The following GCNT1 variants were observed in gnomAD, a reference collection of about 807,000 sequenced individuals.
GCNT1 encodes the protein beta-1,3-galactosyl-O-glycosyl-glycoprotein beta-1,6-N-acetylglucosaminyltransferase.
A neutral mutation model predicts 26.2 loss-of-function variants in GCNT1; 16 were observed. The observed-to-expected ratio is 0.61, with a 90% CI of 0.41 to 0.93. GCNT1 has a LOEUF of 0.93. Ranked by LOEUF, GCNT1 falls within the 40% of genes least tolerant of loss-of-function variation. The pLI, the probability that GCNT1 is intolerant of heterozygous loss-of-function variation, is 0.00. For synonymous variants in GCNT1, 183 were observed against 190.8 expected (o/e 0.96, Z 0.34); for missense variants, 477 against 526.7 (o/e 0.91, Z 0.92).
At chr9:76,415,978 A>C (rs1823129013), upstream of GCNT1, among the ~76,000 whole-genome samples, 1 of 152,140 alleles carries the variant, frequency 6.6e-6, no homozygotes, top group Non-Finnish European at 1.5e-5. Flanking sequence ...GGAGGCAGGG[A>C]AATACTGAAT....
intron 1 of GCNT1, among the ~76,000 whole-genome samples, chr9:76,432,817 G>C (rs1564222101): frequency 6.6e-6 from 1 of 152,188 alleles, no homozygotes; most frequent in African/African-American, 2.4e-5. Flanking sequence ...CTTTCTATTT[G>C]TCATGCTTTC....
chr9:76,452,867 C>T (rs944183358), intron 1 of GCNT1, among the ~76,000 whole-genome samples: 7 of 152,108 alleles, frequency 4.6e-5, no homozygotes, highest in African/African-American at 1.7e-4. Context: ...CCAGCTGTAC[C>T]CTACTTAATC....
upstream of GCNT1, among the ~76,000 whole-genome samples, chr9:76,439,900 G>A (rs62564440): frequency 6.6e-6 from 1 of 152,060 alleles, no homozygotes; most frequent in African/African-American, 2.4e-5. Flanking sequence ...AGGAGATCGA[G>A]ACCATCCTGG....
At chr9:76,412,707 T>C in the GCNT1 span, among the ~76,000 whole-genome samples, 8 of 152,328 alleles carry the variant, frequency 5.3e-5, no homozygotes, top group African/African-American at 1.9e-4. Context: ...TCTGGTTCTC[T>C]ACTTCATCCC....
the GCNT1 span, among the ~76,000 whole-genome samples, chr9:76,413,302 G>A: frequency 6.6e-6 from 1 of 152,168 alleles, no homozygotes; most frequent in South Asian, 2.1e-4. Context: ...TTTCCTGTGA[G>A]TGGGACACCT....
At chr9:76,450,865 A>T (rs1415124868) in intron 1 of GCNT1, among the ~76,000 whole-genome samples, 2 of 152,176 alleles carry the variant, frequency 1.3e-5, no homozygotes, top group Non-Finnish European at 2.9e-5. Context: ...TAACACTTTA[A>T]TGTATTAACT....
At position 76,449,915 on chromosome 9, in the gene GCNT1, C is replaced by G. The variant is rs191582600; in HGVS notation, c.-290+7600C>G. 2.1e-4 allele frequency among the ~76,000 whole-genome samples: 32 copies of G among 152,136 alleles called. No individual in the cohort carries two copies. In the East Asian group the frequency reaches 6.0e-3, roughly 28 times the overall value. On this transcript the variant is annotated intron_variant, in intron 1 of 2. Transcript: ENST00000442371. Reference sequence around the variant, plus strand: ...TCTCATGCCTCAGCCTCCCAAGTAGCTAGAATTACAGACGCCCAGCTAATT... The same window carrying G: ...TCTCATGCCTCAGCCTCCCAAGTAGGTAGAATTACAGACGCCCAGCTAATT...
intron 1 of GCNT1, among the ~76,000 whole-genome samples, chr9:76,445,560 G>A (rs1195619313): frequency 6.6e-6 from 1 of 151,354 alleles, no homozygotes; most frequent in Non-Finnish European, 1.5e-5. Context: ...GCTAATTTTT[G>A]TATTTCTTTT....
In GCNT1 at chr9:76,475,499, A is replaced by C. The variant is rs1247144152; in HGVS notation, c.-290+15322A>C. Among the ~76,000 whole-genome samples, 6 of 152,198 alleles carry C rather than the reference A, an allele frequency of 3.9e-5. No individual in the cohort carries two copies. The East Asian group carries it at 9.6e-4, about 24-fold the overall frequency. On this transcript the variant is annotated intron_variant, in intron 2 of 3. Transcript: ENST00000376730. Reference sequence around the variant, plus strand: ...GCCCTACATTTTTTGGGAGAAAGGAAGTGGATTTTGTAATATTTGGACATT... The same window carrying C: ...GCCCTACATTTTTTGGGAGAAAGGACGTGGATTTTGTAATATTTGGACATT...
the GCNT1 span, among the ~76,000 whole-genome samples, chr9:76,413,653 G>GTTTTTTTTTTTTTGTTTTTTTTTTTT: frequency 7.6e-5 from 9 of 118,664 alleles, no homozygotes; most frequent in Non-Finnish European, 1.1e-4. Context: ...GTTTTGTTTT[G>GTTTTTTTTTTTTTGTTTTTTTTTTTT]TTTTTTTTTT....
chr9:76,495,427 G>A (rs1194531875), intron 2 of GCNT1, among the ~76,000 whole-genome samples: 1 of 152,178 alleles, frequency 6.6e-6, no homozygotes, highest in Admixed American at 6.5e-5. Context: ...AAGATTTATT[G>A]TGAAGAGCAA....
chr9:76,404,505 A>G, the GCNT1 span, among the ~76,000 whole-genome samples: 38 of 152,324 alleles, frequency 2.5e-4, no homozygotes, highest in African/African-American at 8.2e-4. Flanking sequence ...TGAGAGGGGA[A>G]GCCCATTTCC....
At chr9:76,413,619 TA>T in the GCNT1 span, among the ~76,000 whole-genome samples, 1 of 151,766 alleles carries the variant, frequency 6.6e-6, no homozygotes, top group Non-Finnish European at 1.5e-5. Flanking sequence ...GCAGTTTGCA[TA>T]TGATATGCCT....
intron 1 of GCNT1, among the ~76,000 whole-genome samples, chr9:76,450,795 A>G (rs1212774413): frequency 1.3e-5 from 2 of 152,172 alleles, no homozygotes; most frequent in African/African-American, 4.8e-5. Context: ...ACTATTGCAT[A>G]TATTTTCTAG....
intron 2 of GCNT1, among the ~76,000 whole-genome samples, chr9:76,464,279 C>A (rs1456476715): frequency 6.6e-6 from 1 of 152,048 alleles, no homozygotes; most frequent in South Asian, 2.1e-4. Context: ...TGCAGTGGCA[C>A]CATCTTGGCT....
At chr9:76,488,827 TTAA>T (rs1824652269) in intron 2 of GCNT1, among the ~76,000 whole-genome samples, 1 of 152,220 alleles carries the variant, frequency 6.6e-6, no homozygotes, top group Non-Finnish European at 1.5e-5. Context: ...TGCTATCATG[TTAA>T]TAATTTTCAA....
exon 1 of GCNT1, chr9:76,419,869 C>T (rs1823167533): frequency 6.6e-6 from 1 of 152,256 alleles, no homozygotes; most frequent in Non-Finnish European, 1.5e-5. Flanking sequence ...TCTTGCTGAG[C>T]TCCAGCCAAA....
At chr9:76,478,162 G>T (rs1048456081) in intron 2 of GCNT1, among the ~76,000 whole-genome samples, 1 of 152,156 alleles carries the variant, frequency 6.6e-6, no homozygotes, top group Non-Finnish European at 1.5e-5. Flanking sequence ...AGCGAGTAGC[G>T]GCAACCTGCT....
Position 76,506,151 on chromosome 9 carries a change from A to C in GCNT1, c.*2483A>C, listed in dbSNP as rs867911634. 8.4e-5 allele frequency: 14 copies of C among 167,122 alleles called. No individual in the cohort carries two copies. Among genetic ancestry groups the C allele is most frequent in the African/African-American group, 2.9e-4 (12 of 41,472 alleles). The allele number at this position is 167,122 out of a possible 1,614,324, so 10.4% of individuals were successfully genotyped here. A position where few individuals can be genotyped will look rare whatever the true frequency, so the allele number is the denominator to read the frequency against. On this transcript the variant is annotated 3_prime_UTR_variant, in exon 4 of 4. Transcript: ENST00000376730. ...GGAAACCTATGATACATGCAGGAGAAGCAAAACCCAAGTGATTGGTGAGAA... is the reference window on the plus strand; with the variant it reads ...GGAAACCTATGATACATGCAGGAGACGCAAAACCCAAGTGATTGGTGAGAA...
Sources: gnomAD v4.1 joint callset for allele counts (sites outside exome capture counted in the v4.1 genomes callset) on GRCh38, gnomAD v4.1.1 for gene constraint, MANE v1.5 for transcripts, NCBI Gene and HGNC (gene_info 2026-07-23, HGNC 2026-07-21) for gene names.